CLSPN: variants seen among roughly 807,000 people sequenced by gnomAD.
CLSPN encodes the protein claspin, also known as claspin homolog.
CLSPN carries 85 observed loss-of-function variants against 156.3 expected under a neutral mutation model. The observed-to-expected ratio is 0.54, with a 90% CI of 0.46 to 0.65. The LOEUF (loss-of-function observed/expected upper bound fraction) is 0.65. CLSPN is among the 30% of genes least tolerant of loss of function. The probability of loss-of-function intolerance (pLI) is 0.00; values close to 1 mark genes in which losing one functional copy is unlikely to be tolerated. For missense variants in CLSPN, 1,407 were observed against 1,554.9 expected (o/e 0.90, Z 1.60); for synonymous variants, 534 against 542.4 (o/e 0.98, Z 0.22).
intron 16 of CLSPN, 177 bp from the exon 17 acceptor site, chr1:35,743,707 T>C: frequency 1.7e-6 from 1 of 583,666 alleles, no homozygotes; most frequent in South Asian, 2.1e-5. Flanking sequence ...CACTGTAACC[T>C]CCACCTCCAG....
chr1:35,753,838 T>A lies in CLSPN; in HGVS notation c.1678A>T (p.Met560Leu). 1 of 1,614,196 alleles carries A rather than the reference T, an allele frequency of 6.2e-7. No homozygotes were observed. The highest frequency in any genetic ancestry group is 8.5e-7 in the Non-Finnish European group (1 of 1,180,022). ...TVNVNVIVKD[M>L]GTDGKEELKA... ...AGCTCTTCCTTTCCATCAGTGCCCA[T>A]GTCTTTCACTATGACGTTCACATTC... The change falls in exon 9 of 25, where the codon ATG becomes TTG. Residue 560 changes from methionine (M) to leucine (L), a missense_variant. Met to Leu is a conservative substitution (Grantham distance 15, BLOSUM62 2). Coordinates refer to ENST00000318121, the MANE Select transcript of CLSPN (RefSeq NM_022111.4).
At chr1:35,749,331 A>G in intron 12 of CLSPN, 136 bp downstream of exon 12, 2 of 788,236 alleles carry the variant, frequency 2.5e-6, no homozygotes, top group South Asian at 3.5e-5. Context: ...TAATTCATAA[A>G]CCCTTTTCAT....
At chr1:35,749,878 T>A (rs577740181) in intron 10 of CLSPN, 67 bp from the exon 11 acceptor site, 6 of 1,527,912 alleles carry the variant, frequency 3.9e-6, no homozygotes, top group East Asian at 4.6e-5. Flanking sequence ...AATACACTGG[T>A]AGCCTGAAAT....
At chr1:35,728,467 T>C (rs1422097654), downstream of CLSPN, among the ~76,000 whole-genome samples, 2 of 152,200 alleles carry the variant, frequency 1.3e-5, no homozygotes, top group Admixed American at 1.3e-4. Flanking sequence ...GCTCCTTCCC[T>C]GGATAGTCAA....
chr1:35,732,191 A>C lies in CLSPN; in HGVS notation c.*4305T>G, dbSNP rs1641332873. The C allele has an allele frequency of 1.0e-6, 1 of 985,268 alleles. No homozygotes were observed. Among genetic ancestry groups the C allele is most frequent in the Admixed American group, 6.1e-5 (1 of 16,262 alleles). 61.0% of individuals were successfully genotyped at this position (985,268 alleles called of 1,614,324 possible). ...CTGTGTGCCAGGCGATGAGTAGGAT[A>C]TAAGGGTAGAAGATACAATACCATC... On this transcript the variant is annotated 3_prime_UTR_variant, in exon 25 of 25. Transcript: ENST00000318121.
Position 35,735,391 on chromosome 1 carries a change from G to T in CLSPN, c.*1105C>A. ...GAGTAATACAGCAGCCCATCTGTTG[G>T]TTCCTAGGTCCTCCATCTAAGAAAT... On this transcript the variant is annotated 3_prime_UTR_variant, in exon 25 of 25. Transcript: ENST00000318121. 1 of 985,362 alleles carries T rather than the reference G, an allele frequency of 1.0e-6. No homozygotes were observed. Among genetic ancestry groups the T allele is most frequent in the Non-Finnish European group, 1.2e-6 (1 of 829,916 alleles). The allele number at this position is 985,362 out of a possible 1,614,324, so 61.0% of individuals were successfully genotyped here. A position where few individuals can be genotyped will look rare whatever the true frequency, so the allele number is the denominator to read the frequency against.
At chr1:35,727,741 AT>A (rs929285387), downstream of CLSPN, among the ~76,000 whole-genome samples, 9 of 151,878 alleles carry the variant, frequency 5.9e-5, no homozygotes, top group Non-Finnish European at 1.0e-4. Flanking sequence ...ACACTTTACA[AT>A]TTTTTTTTAT....
intron 24 of CLSPN, chr1:35,721,065 C>CA: frequency 1.1e-6 from 1 of 910,056 alleles, no homozygotes; most frequent in East Asian, 2.7e-5. Context: ...CTGTTTCCTG[C>CA]ATCTAAACTT....
At chr1:35,738,308 AAC>A in intron 21 of CLSPN, 145 bp downstream of exon 21, 1 of 870,814 alleles carries the variant, frequency 1.1e-6, no homozygotes, top group Non-Finnish European at 1.7e-6. Flanking sequence ...GCCTTCTCAA[AAC>A]ACAAAAGATA....
intron 8 of CLSPN, 43 bp from the exon 9 acceptor site, chr1:35,753,979 A>G (rs1255361943): frequency 1.3e-6 from 2 of 1,586,732 alleles, no homozygotes; most frequent in Non-Finnish European, 1.7e-6. Flanking sequence ...GCCATGCTCA[A>G]AACTCTTTCC....
rs1487197309 is a variant in CLSPN at position 35,739,165 on chromosome 1, C to T, written c.3401G>A (p.Arg1134Gln). ...DGDLHSDGPG[R>Q]MRKFRWKNID... ...GTTTTTCCATCGAAACTTCCTCATT[C>T]GCCCAGGACCATCGCTGTGCAGATC... Residue 1134 changes from arginine (R) to glutamine (Q), a missense_variant, in exon 20 of 25, where the codon CGA (arginine) becomes CAA (glutamine). Arg to Gln is a conservative substitution (Grantham distance 43, BLOSUM62 1). Around this residue, in one of 3 missense-constraint regions of CLSPN, gnomAD observed 70 missense variants for 121.5 expected, o/e 0.58. Transcript: ENST00000318121. 12 of 1,614,040 alleles carry T rather than the reference C, an allele frequency of 7.4e-6. No homozygotes were observed. Among genetic ancestry groups the T allele is most frequent in the African/African-American group, 1.3e-5 (1 of 74,902 alleles).
At chr1:35,754,945 A>G (rs553213113) in intron 8 of CLSPN, among the ~76,000 whole-genome samples, 2 of 152,276 alleles carry the variant, frequency 1.3e-5, no homozygotes, top group African/African-American at 4.8e-5. Flanking sequence ...CTTCTCCCTC[A>G]GCTAGCTGTT....
Position 35,762,494 on chromosome 1 carries a change from G to A in CLSPN, c.745-13C>T. On this transcript the variant is annotated splice_polypyrimidine_tract_variant and intron_variant, in intron 4 of 24. Transcript: ENST00000318121. ...ATGGTTCTTTTTTCTAAAAGAAATG[G>A]CAGGTTGATTAGGACAAAAACGAAA... 1 of 1,611,662 alleles carries A rather than the reference G, an allele frequency of 6.2e-7. No homozygotes were observed. Among genetic ancestry groups the A allele is most frequent in the Non-Finnish European group, 8.5e-7 (1 of 1,178,058 alleles).
At chr1:35,759,622 G>C (rs768047971) in intron 8 of CLSPN, among the ~76,000 whole-genome samples, 25 of 152,064 alleles carry the variant, frequency 1.6e-4, no homozygotes, top group Non-Finnish European at 3.2e-4. Context: ...GAAAACAAAA[G>C]AAATTCGGTT....
rs1642429402 is a variant in CLSPN, at chr1:35,760,341, C to T, written c.1579+1G>A. On this transcript the variant is annotated splice_donor_variant, in intron 8 of 24. Transcript: ENST00000318121. LOFTEE classifies it high-confidence loss of function. ...AGGCTCCCCACAATGTAAAGGATTACCTCTGTTGGTTTCAGGTTCAAGTAT... is the reference window on the plus strand; with the variant it reads ...AGGCTCCCCACAATGTAAAGGATTATCTCTGTTGGTTTCAGGTTCAAGTAT... 1 of 1,610,398 alleles carries T rather than the reference C, an allele frequency of 6.2e-7. No individual in the cohort carries two copies. Among genetic ancestry groups the T allele is most frequent in the Admixed American group, 1.7e-5 (1 of 59,802 alleles).
chr1:35,749,324 T>C, intron 12 of CLSPN, 143 bp downstream of exon 12: 3 of 756,626 alleles, frequency 4.0e-6, no homozygotes, highest in Non-Finnish European at 2.1e-6. Flanking sequence ...AATATTCTAA[T>C]TCATAAACCC....
intron 16 of CLSPN, among the ~76,000 whole-genome samples, chr1:35,744,790 T>G (rs1641818357): frequency 6.6e-6 from 1 of 152,276 alleles, no homozygotes; most frequent in Non-Finnish European, 1.5e-5. Flanking sequence ...GAAGTGAAAT[T>G]GCTGGATCAT....
At chr1:35,766,181 G>A (rs1642667159) in intron 1 of CLSPN, among the ~76,000 whole-genome samples, 1 of 151,376 alleles carries the variant, frequency 6.6e-6, no homozygotes, top group African/African-American at 2.4e-5. Flanking sequence ...TTTTAATAGA[G>A]ACAAGGTTTC....
In CLSPN at chr1:35,732,928, G is replaced by A; in HGVS notation, c.*3568C>T. On this transcript the variant is annotated 3_prime_UTR_variant, in exon 25 of 25. Coordinates refer to ENST00000318121, the MANE Select transcript of CLSPN (RefSeq NM_022111.4). ...CTCAAGTTTTCTTTCTCCAAAGAGTGCTTTCTCCCAGGAGCCTCAATCAGA... is the reference window on the plus strand; with the variant it reads ...CTCAAGTTTTCTTTCTCCAAAGAGTACTTTCTCCCAGGAGCCTCAATCAGA... 1.0e-6 allele frequency: 1 copy of A among 985,288 alleles called. No homozygotes were observed. Among genetic ancestry groups the A allele is most frequent in the South Asian group, 4.7e-5 (1 of 21,274 alleles). 61.0% of individuals were successfully genotyped at this position (985,288 alleles called of 1,614,324 possible). A position where few individuals can be genotyped will look rare whatever the true frequency, so the allele number is the denominator to read the frequency against.
Sources: allele counts gnomAD v4.1 joint callset (sites outside exome capture counted in the v4.1 genomes callset), GRCh38; gene constraint gnomAD v4.1.1; regional missense constraint gnomAD v4.1.1; transcripts MANE v1.5; gene names NCBI Gene and HGNC (gene_info 2026-07-23, HGNC 2026-07-21).